Variants in UNC5D observed in about 807,000 individuals in gnomAD.
UNC5D encodes unc-5 netrin receptor D, also known as netrin receptor UNC5D.
In UNC5D, 39 loss-of-function variants were observed where a neutral mutation model predicts 105.4. That is an observed-to-expected ratio of 0.37 (90% CI 0.29 to 0.48). The LOEUF is 0.48. Among genes scored for constraint, UNC5D ranks in the 20% least tolerant of loss-of-function variants. UNC5D has a pLI of 0.98. For missense variants in UNC5D, 991 were observed against 1,202.4 expected, an observed-to-expected ratio of 0.82 and a Z score of 2.60; for synonymous variants, 452 against 450.4, an observed-to-expected ratio of 1.00 and a Z score of -0.04.
chr8:35,282,290 C>G (rs899392543), intron 1 of UNC5D, among the ~76,000 whole-genome samples: 3 of 152,236 alleles, frequency 2.0e-5, no homozygotes, highest in Admixed American at 2.0e-4. Context: ...CCTCATTTTC[C>G]TTTCTTTGTA....
intron 3 of UNC5D, among the ~76,000 whole-genome samples, chr8:35,577,049 G>A (rs1818143086): frequency 6.6e-6 from 1 of 152,074 alleles, no homozygotes; most frequent in Non-Finnish European, 1.5e-5. Flanking sequence ...ATCTCTTTCT[G>A]TGTTTATCTA....
intron 1 of UNC5D, among the ~76,000 whole-genome samples, chr8:35,251,990 T>C (rs1374100596): frequency 2.6e-5 from 4 of 151,780 alleles, no homozygotes. Context: ...TTCCTAATAT[T>C]ACTACCCTGT....
At chr8:35,790,300 GTTTA>G in intron 16 of UNC5D, 55 bp from the exon 17 acceptor site, 1 of 1,531,478 alleles carries the variant, frequency 6.5e-7, no homozygotes, top group Non-Finnish European at 9.0e-7. Context: ...GGTGATCAGT[GTTTA>G]TTCCTTTATT....
chr8:35,585,790 A>G (rs1046278784), intron 3 of UNC5D, among the ~76,000 whole-genome samples: 1 of 151,608 alleles, frequency 6.6e-6, no homozygotes, highest in Non-Finnish European at 1.5e-5. Flanking sequence ...AGGGGAATAT[A>G]TATATTATAT....
At chr8:35,601,474 T>C (rs1288534472) in intron 4 of UNC5D, among the ~76,000 whole-genome samples, 3 of 152,226 alleles carry the variant, frequency 2.0e-5, no homozygotes, top group Non-Finnish European at 4.4e-5. Context: ...TTTGATTTCA[T>C]TGAGCAGTGG....
chr8:35,748,702 C>CT lies in UNC5D; in HGVS notation c.1935+7_1935+8insT. ...ACAGCAGGGCAAATGGGAGGTGAGA[C>CT]CCTTTACTTCCTTTTTTAAACAGTG... On this transcript the variant is annotated splice_region_variant and intron_variant, in intron 12 of 16. Coordinates refer to ENST00000404895, the MANE Select transcript of UNC5D (RefSeq NM_080872.4). 1 of 1,610,288 alleles carries CT rather than the reference C, an allele frequency of 6.2e-7. No individual in the cohort carries two copies.
At chr8:35,424,180 A>ATG (rs1806097697) in intron 1 of UNC5D, among the ~76,000 whole-genome samples, 1 of 152,194 alleles carries the variant, frequency 6.6e-6, no homozygotes, top group East Asian at 1.9e-4. Flanking sequence ...ATGTATGGGA[A>ATG]AGAAAATTAG....
intron 4 of UNC5D, among the ~76,000 whole-genome samples, chr8:35,625,888 T>C (rs536279384): frequency 1.3e-5 from 2 of 152,336 alleles, no homozygotes; most frequent in South Asian, 2.1e-4. Context: ...AAAAACCCTG[T>C]TGAAAGTAAG....
At chr8:35,599,945 C>G (rs1819743552) in intron 4 of UNC5D, among the ~76,000 whole-genome samples, 1 of 152,086 alleles carries the variant, frequency 6.6e-6, no homozygotes, top group Non-Finnish European at 1.5e-5. Flanking sequence ...AATACTATCC[C>G]TCCCTCCTCC....
At chr8:35,245,681 A>G (rs1207399000) in intron 1 of UNC5D, among the ~76,000 whole-genome samples, 1 of 152,178 alleles carries the variant, frequency 6.6e-6, no homozygotes, top group Non-Finnish European at 1.5e-5. Flanking sequence ...AATGCACATC[A>G]GTCTCCAGGA....
At chr8:35,559,546 G>A (rs765622282) in intron 2 of UNC5D, among the ~76,000 whole-genome samples, 4 of 152,204 alleles carry the variant, frequency 2.6e-5, no homozygotes, top group Admixed American at 6.5e-5. Context: ...GTGCAATAAT[G>A]AGTGGTGGAT....
chr8:35,500,081 T>C (rs1811868056), intron 1 of UNC5D, among the ~76,000 whole-genome samples: 1 of 152,260 alleles, frequency 6.6e-6, no homozygotes, highest in Admixed American at 6.5e-5. Context: ...ATTGATTTCA[T>C]ATTTGAATGA....
intron 4 of UNC5D, among the ~76,000 whole-genome samples, chr8:35,666,923 C>A (rs550995511): frequency 6.6e-6 from 1 of 152,094 alleles, no homozygotes; most frequent in Non-Finnish European, 1.5e-5. Context: ...TAAGATTATG[C>A]AAAAATAAAA....
intron 4 of UNC5D, among the ~76,000 whole-genome samples, chr8:35,659,039 T>C (rs1269786636): frequency 6.6e-6 from 1 of 152,174 alleles, no homozygotes; most frequent in Non-Finnish European, 1.5e-5. Flanking sequence ...GTTGGATACA[T>C]CAGCAATGAG....
intron 14 of UNC5D, among the ~76,000 whole-genome samples, chr8:35,761,347 A>C (rs577730339): frequency 1.2e-4 from 19 of 152,300 alleles, no homozygotes; most frequent in Admixed American, 4.6e-4. Flanking sequence ...AAATCAGATG[A>C]AGGAACCATT....
Position 35,438,189 on chromosome 8 carries a change from C to T in UNC5D, c.104-111103C>T, listed in dbSNP as rs558960498. 2.6e-5 allele frequency among the ~76,000 whole-genome samples: 4 copies of T among 152,028 alleles called. No homozygotes were observed. In the South Asian group the frequency reaches 8.3e-4, roughly 32 times the overall value. On this transcript the variant is annotated intron_variant, in intron 1 of 16. Coordinates refer to ENST00000404895, the MANE Select transcript of UNC5D (RefSeq NM_080872.4). ...AGGCAATATGATACAGTAAGGAGACCGACTCCAGACAGACGTGGCTTTGAA... is the reference window on the plus strand; with the variant it reads ...AGGCAATATGATACAGTAAGGAGACTGACTCCAGACAGACGTGGCTTTGAA...
intron 4 of UNC5D, among the ~76,000 whole-genome samples, chr8:35,597,002 G>A (rs1026194310): frequency 2.6e-5 from 4 of 152,088 alleles, no homozygotes; most frequent in African/African-American, 9.7e-5. Context: ...ACAGTGTTTA[G>A]AGCTATTGTT....
chr8:35,479,319 T>A (rs147994047), intron 1 of UNC5D, among the ~76,000 whole-genome samples: 99 of 152,284 alleles, frequency 6.5e-4, no homozygotes, highest in African/African-American at 2.2e-3. Flanking sequence ...CTGATCTCCA[T>A]ATCTGATTAG....
chr8:35,312,243 G>T (rs1808947414), intron 1 of UNC5D, among the ~76,000 whole-genome samples: 1 of 152,132 alleles, frequency 6.6e-6, no homozygotes, highest in African/African-American at 2.4e-5. Flanking sequence ...TATCCAAAAT[G>T]TCTAACCAGG....
Sources: gnomAD v4.1 joint callset for allele counts (sites outside exome capture counted in the v4.1 genomes callset) on GRCh38, gnomAD v4.1.1 for gene constraint, MANE v1.5 for transcripts, NCBI Gene and HGNC (gene_info 2026-07-23, HGNC 2026-07-21) for gene names.